The following AP5Z1 variants were observed in gnomAD, a reference collection of about 807,000 sequenced individuals.
The protein encoded by AP5Z1 is adaptor related protein complex 5 subunit zeta 1.
Under a neutral mutation model 83.0 loss-of-function variants are expected in AP5Z1, and 106 were observed. The ratio of observed to expected loss-of-function variants is 1.28; its 90% CI spans 1.09 to 1.50. AP5Z1 has a LOEUF of 1.50. Among genes scored for constraint, AP5Z1 ranks in the 40% most tolerant of loss-of-function variants. AP5Z1 has a pLI of 0.00. For missense variants in AP5Z1, 1,565 were observed against 1,094.2 expected (o/e 1.43, Z -6.07); for synonymous variants, 751 against 514.1 (o/e 1.46, Z -6.23).
At position 4,790,769 on chromosome 7, in the gene AP5Z1, T is replaced by C. The variant is rs1781739205; in HGVS notation, c.2035T>C (p.Phe679Leu). 6.2e-7 allele frequency: 1 copy of C among 1,609,040 alleles called. No homozygotes were observed. Among genetic ancestry groups the C allele is most frequent in the Non-Finnish European group, 8.5e-7 (1 of 1,178,714 alleles). ...CTTCGAAGCCCTGGAGGCTCTGCTA[T>C]TCGAGGTCACCCAGTGCCGCCCCTC... ...KFFEALEALL[F>L]EVTQCRPSAA... is the part of the protein sequence containing the mutation. Residue 679 changes from phenylalanine to leucine, a missense_variant, in exon 16 of 17, where the codon TTC (phenylalanine) becomes CTC (leucine). Physicochemically the swap from Phe to Leu is conservative, Grantham distance 22. Transcript: ENST00000649063.
At position 4,791,348 on chromosome 7, in the gene AP5Z1, G is replaced by A. The variant is rs199981070; in HGVS notation, c.2387G>A (p.Arg796Gln). The A allele has an allele frequency of 3.9e-4, 634 of 1,608,726 alleles. No individual in the cohort carries two copies. Among genetic ancestry groups the A allele is most frequent in the Non-Finnish European group, 4.8e-4 (570 of 1,178,238 alleles). The change falls in exon 17 of 17, where the codon CGG becomes CAG. Residue 796 changes from arginine (R) to glutamine (Q), a missense_variant. Coordinates refer to ENST00000649063, the MANE Select transcript of AP5Z1 (RefSeq NM_014855.3). ...CCCCTGGCCCTGCGCACGGTCAGCC[G>A]GCTGGTGGAGAGGGAGGCCGGCCTC... Reference protein sequence around the residue: ...ALPLALRTVSRLVEREAGLMP... With the variant: ...ALPLALRTVSQLVEREAGLMP...
intron 5 of AP5Z1, 61 bp downstream of exon 5, chr7:4,783,859 A>G: frequency 6.7e-7 from 1 of 1,488,088 alleles, no homozygotes; most frequent in Non-Finnish European, 9.1e-7. Flanking sequence ...CCTCCCTGAG[A>G]GCTCCTGTGC....
chr7:4,775,755 A>T lies in AP5Z1; in HGVS notation c.40A>T (p.Arg14Trp), dbSNP rs1185628057. Residue 14 changes from arginine (R) to tryptophan (W), a missense_variant and splice_region_variant, in exon 1 of 17, where the codon AGG becomes TGG. Coordinates refer to ENST00000649063, the MANE Select transcript of AP5Z1 (RefSeq NM_014855.3). The stretch of plus-strand genomic sequence containing the variant: ...AGCGGAGAGTTTGCTCCACCAGGCC[A>T]GGTACGGGGGAGCTGCGGCCCCGGC... ...AGAESLLHQA[R>W]EIQDEELKKF... The T allele has an allele frequency of 6.2e-7, 1 of 1,604,770 alleles. No homozygotes were observed. Among genetic ancestry groups the T allele is most frequent in the South Asian group, 1.1e-5 (1 of 91,024 alleles).
rs375038512 is a variant in AP5Z1, at chr7:4,783,333, G to A, written c.384G>A (p.Glu128=). Residue 128 remains glutamate (E), a synonymous_variant, in exon 4 of 17, where the codon GAG becomes GAA. Transcript: ENST00000649063. ...VLLAQGDRNE[E]VRAVGQGVLR... Reference sequence around the variant, plus strand: ...ATTTGAAGGGTGACAGAAACGAGGAGGTCAGAGCCGTGGGCCAGGGCGTGC... The same window carrying A: ...ATTTGAAGGGTGACAGAAACGAGGAAGTCAGAGCCGTGGGCCAGGGCGTGC... 3 of 1,611,466 alleles carry A rather than the reference G, an allele frequency of 1.9e-6. No individual in the cohort carries two copies. The highest frequency in any genetic ancestry group is 2.5e-6 in the Non-Finnish European group (3 of 1,179,048).
In AP5Z1 at chr7:4,784,814, C is replaced by G. The variant is rs868142540; in HGVS notation, c.791-94C>G. 98 of 1,468,604 alleles carry G rather than the reference C, an allele frequency of 6.7e-5. No individual in the cohort carries two copies. The South Asian group carries it at 1.3e-3, about 19-fold the overall frequency. The allele number at this position is 1,468,604 out of a possible 1,614,324, so 91.0% of individuals were successfully genotyped here. ...CACGCCTCCCGGGAGGGGCTGCGGC[C>G]TGTGCTCTCCTCCTGCCCTTCCAAG... On this transcript the variant is annotated intron_variant, in intron 6 of 16. Coordinates refer to ENST00000649063, the MANE Select transcript of AP5Z1 (RefSeq NM_014855.3).
intron 16 of AP5Z1, 41 bp downstream of exon 16, chr7:4,790,928 G>T (rs757348388): frequency 6.5e-7 from 1 of 1,539,038 alleles, no homozygotes; most frequent in South Asian, 1.2e-5. Context: ...TGGCTCCTGG[G>T]GAAGAGAGGT....
At chr7:4,791,044 G>A in intron 16 of AP5Z1, 71 bp from the exon 17 acceptor site, 3 of 1,487,456 alleles carry the variant, frequency 2.0e-6, no homozygotes, top group Non-Finnish European at 2.7e-6. Flanking sequence ...CTTCAGGCCT[G>A]GCCCCTCCAC....
rs369687933 is a variant in AP5Z1, at chr7:4,775,748, C to T, written c.33C>T (p.His11=). 2.2e-5 allele frequency: 36 copies of T among 1,605,288 alleles called. No individual in the cohort carries two copies. In the African/African-American group the frequency reaches 4.4e-4, roughly 20 times the overall value. The change falls in exon 1 of 17, where the codon CAC becomes CAT. Residue 11 remains histidine (H), a synonymous_variant. Transcript: ENST00000649063. ...CGGCAGGAGCGGAGAGTTTGCTCCA[C>T]CAGGCCAGGTACGGGGGAGCTGCGG... MFSAGAESLL[H]QAREIQDEEL... is the part of the protein sequence containing the mutation.
chr7:4,789,788 C>A, intron 13 of AP5Z1, 44 bp from the exon 14 acceptor site: 1 of 1,483,956 alleles, frequency 6.7e-7, no homozygotes, highest in Non-Finnish European at 9.2e-7. Context: ...TTAGGGCCTG[C>A]AGTGGGGGTG....
intron 1 of AP5Z1, among the ~76,000 whole-genome samples, chr7:4,776,305 C>G (rs747343475): frequency 1.2e-4 from 18 of 152,034 alleles, no homozygotes; most frequent in Admixed American, 7.2e-4. Flanking sequence ...CTCCCAGTAA[C>G]GAGTGAGTAG....
rs1583235976 is a variant in AP5Z1 at position 4,787,522 on chromosome 7, C to G, written c.1312-112C>G. 17 of 1,413,464 alleles carry G rather than the reference C, an allele frequency of 1.2e-5. No homozygotes were observed. In the East Asian group the frequency reaches 3.6e-4, roughly 30 times the overall value. The allele number at this position is 1,413,464 out of a possible 1,614,324, so 87.6% of individuals were successfully genotyped here. ...AAGCGGGAGGAGGCAAAGGTAGAAG[C>G]CCTCCTGGGGACTGCAGGTCTGGGA... On this transcript the variant is annotated intron_variant, in intron 10 of 16. Transcript: ENST00000649063.
At chr7:4,785,902 C>T (rs969793812) in intron 9 of AP5Z1, among the ~76,000 whole-genome samples, 6 of 152,060 alleles carry the variant, frequency 3.9e-5, no homozygotes, top group African/African-American at 1.4e-4. Context: ...CCACCGTGCC[C>T]AGCTCATATT....
chr7:4,789,808 C>G, intron 13 of AP5Z1, 24 bp from the exon 14 acceptor site: 1 of 1,545,332 alleles, frequency 6.5e-7, no homozygotes, highest in Non-Finnish European at 8.8e-7. Context: ...GGGGCTGAGC[C>G]TGTTTCCCAC....
Position 4,781,984 on chromosome 7 carries a change from T to G in AP5Z1, c.366+230T>G, listed in dbSNP as rs1368014216. Among the ~76,000 whole-genome samples the G allele has an allele frequency of 2.6e-5, 4 of 152,180 alleles. 1 individual carries two copies. Among genetic ancestry groups the G allele is most frequent in the Admixed American group, 2.6e-4 (4 of 15,274 alleles). ...GGTGCTCAGGAGAGGTGGTGGAGTT[T>G]GGTTTCTCAGACAGAGCCTTGAGAC... On this transcript the variant is annotated intron_variant, in intron 3 of 16. Coordinates refer to ENST00000649063, the MANE Select transcript of AP5Z1 (RefSeq NM_014855.3).
intron 1 of AP5Z1, among the ~76,000 whole-genome samples, chr7:4,780,623 G>A (rs903886790): frequency 3.3e-5 from 5 of 152,036 alleles, no homozygotes; most frequent in South Asian, 2.1e-4. Context: ...AAAATTAGCC[G>A]GGCGTGGTGG....
In AP5Z1 at chr7:4,785,637, C is replaced by A. The variant is rs761041382; in HGVS notation, c.1085C>A (p.Ala362Asp). 1.3e-6 allele frequency: 2 copies of A among 1,567,392 alleles called. No homozygotes were observed. The highest frequency in any genetic ancestry group is 1.7e-6 in the Non-Finnish European group (2 of 1,160,008). ...ALHGRVRGDP[A>D]SVRVLLPLAH... ...CACGGGCGGGTGCGCGGGGACCCGG[C>A]CTCTGTGCGGGTGCTGCTGCCCCTC... Residue 362 changes from alanine to aspartate, a missense_variant, in exon 9 of 17, where the codon GCC becomes GAC. By Grantham distance (126) the Ala-to-Asp change is moderately radical (BLOSUM62 -2). Transcript: ENST00000649063.
rs1045638179 is a variant in AP5Z1 at position 4,793,992 on chromosome 7, T to A, written c.*2607T>A. 4.6e-5 allele frequency: 7 copies of A among 152,382 alleles called. No individual in the cohort carries two copies. The highest frequency in any genetic ancestry group is 1.7e-4 in the African/African-American group (7 of 41,438). 9.4% of individuals were successfully genotyped at this position (152,382 alleles called of 1,614,324 possible). A position where few individuals can be genotyped will look rare whatever the true frequency, so the allele number is the denominator to read the frequency against. On this transcript the variant is annotated 3_prime_UTR_variant, in exon 17 of 17. Transcript: ENST00000649063. ...GACTTGGAGAACCTTTATGTCTAGC[T>A]AAGGGATTGTAAATAAACCAATTGG...
chr7:4,777,175 T>G (rs1214288090), intron 1 of AP5Z1, among the ~76,000 whole-genome samples: 12 of 152,102 alleles, frequency 7.9e-5, no homozygotes, highest in Admixed American at 6.6e-4. Flanking sequence ...AGATATGTCA[T>G]TCATGTGAAT....
rs56276625 is a variant in AP5Z1 at position 4,788,006 on chromosome 7, G to A, written c.1455-148G>A. On this transcript the variant is annotated intron_variant, in intron 11 of 16. Coordinates refer to ENST00000649063, the MANE Select transcript of AP5Z1 (RefSeq NM_014855.3). ...CCTGGAGTGCCTCACCCGTCTTCAC[G>A]CCCAGGCCTGGAGCCTCCCATGCCA... 0.018 allele frequency: 23,800 copies of A among 1,318,026 alleles called. 270 individuals are homozygous for A. The highest frequency in any genetic ancestry group is 0.026 in the Middle Eastern group (96 of 3,636). 81.6% of individuals were successfully genotyped at this position (1,318,026 alleles called of 1,614,324 possible). A position where few individuals can be genotyped will look rare whatever the true frequency, so the allele number is the denominator to read the frequency against.
Sources: gnomAD v4.1 joint callset for allele counts (sites outside exome capture counted in the v4.1 genomes callset) on GRCh38, gnomAD v4.1.1 for gene constraint, MANE v1.5 for transcripts, NCBI Gene and HGNC (gene_info 2026-07-23, HGNC 2026-07-21) for gene names.